CREB3L2: variants seen among roughly 807,000 people sequenced by gnomAD.
The protein encoded by CREB3L2 is cyclic AMP-responsive element-binding protein 3-like protein 2.
Under a neutral mutation model 57.2 loss-of-function variants are expected in CREB3L2, and 23 were observed. The ratio of observed to expected loss-of-function variants is 0.40; its 90% CI spans 0.29 to 0.57. The LOEUF (loss-of-function observed/expected upper bound fraction) is 0.57, where lower values mean the gene tolerates loss of function less well. Among genes scored for constraint, CREB3L2 ranks in the 20% least tolerant of loss-of-function variants. The pLI, the probability that CREB3L2 is intolerant of heterozygous loss-of-function variation, is 0.42. For missense variants in CREB3L2, 628 were observed against 634.7 expected (o/e 0.99, Z 0.11); for synonymous variants, 268 against 265.1 (o/e 1.01, Z -0.11).
intron 1 of CREB3L2, among the ~76,000 whole-genome samples, chr7:137,961,223 C>T (rs972091264): frequency 4.0e-5 from 6 of 151,180 alleles, no homozygotes; most frequent in Admixed American, 3.3e-4. Flanking sequence ...GACATGAGAA[C>T]ATTAAAATTT....
intron 2 of CREB3L2, among the ~76,000 whole-genome samples, chr7:137,925,106 T>C (rs1280866200): frequency 6.6e-6 from 1 of 151,112 alleles, no homozygotes; most frequent in Non-Finnish European, 1.5e-5. Context: ...GGGGTTCAGG[T>C]GGAGGATGGA....
chr7:137,931,925 TTTTC>T (rs1800652564), intron 1 of CREB3L2, among the ~76,000 whole-genome samples: 1 of 152,244 alleles, frequency 6.6e-6, no homozygotes, highest in Middle Eastern at 3.2e-3. Context: ...TTTTGTTGCT[TTTTC>T]TTTCTTTTTC....
intron 2 of CREB3L2, among the ~76,000 whole-genome samples, chr7:137,923,803 A>C (rs775728840): frequency 6.6e-6 from 1 of 151,836 alleles, no homozygotes; most frequent in Non-Finnish European, 1.5e-5. Flanking sequence ...ATACCTTTCC[A>C]CTTCTCCCTG....
chr7:137,955,828 C>T (rs1801199520), intron 1 of CREB3L2, among the ~76,000 whole-genome samples: 1 of 152,096 alleles, frequency 6.6e-6, no homozygotes, highest in Admixed American at 6.5e-5. Context: ...TCAAGGTCAT[C>T]GCCAAGGTCT....
At chr7:137,999,325 C>T (rs2117338771) in intron 1 of CREB3L2, among the ~76,000 whole-genome samples, 1 of 150,962 alleles carries the variant, frequency 6.6e-6, no homozygotes, top group South Asian at 2.1e-4. Flanking sequence ...TTCCATAACA[C>T]TTATTTCATC....
At chr7:137,938,227 T>C (rs1800824716) in intron 1 of CREB3L2, among the ~76,000 whole-genome samples, 2 of 152,146 alleles carry the variant, frequency 1.3e-5, no homozygotes, top group African/African-American at 4.8e-5. Flanking sequence ...AATATGATGG[T>C]AGATGTTGAC....
At chr7:137,932,147 T>A (rs1800659087) in intron 1 of CREB3L2, among the ~76,000 whole-genome samples, 1 of 152,234 alleles carries the variant, frequency 6.6e-6, no homozygotes, top group African/African-American at 2.4e-5. Flanking sequence ...AATTTTCTTT[T>A]ATCAAAAACA....
At position 137,876,605 on chromosome 7, in the gene CREB3L2, T is replaced by C. The variant is rs981686501; in HGVS notation, c.*3871A>G. Reference sequence around the variant, plus strand: ...CACGTCACCACCACCTACTCTCTCCTGTAACTGCCCTCCCAGCGGGGCCTA... The same window carrying C: ...CACGTCACCACCACCTACTCTCTCCCGTAACTGCCCTCCCAGCGGGGCCTA... On this transcript the variant is annotated 3_prime_UTR_variant, in exon 12 of 12. Coordinates refer to ENST00000330387, the MANE Select transcript of CREB3L2 (RefSeq NM_194071.4). 2 of 233,072 alleles carry C rather than the reference T, an allele frequency of 8.6e-6. No individual in the cohort carries two copies. Among genetic ancestry groups the C allele is most frequent in the Non-Finnish European group, 1.7e-5 (2 of 118,006 alleles). 14.4% of individuals were successfully genotyped at this position (233,072 alleles called of 1,614,324 possible). A position where few individuals can be genotyped will look rare whatever the true frequency, so the allele number is the denominator to read the frequency against.
intron 1 of CREB3L2, among the ~76,000 whole-genome samples, chr7:137,941,395 C>T (rs1800877464): frequency 1.3e-5 from 2 of 152,226 alleles, no homozygotes; most frequent in African/African-American, 2.4e-5. Flanking sequence ...TTATCTCCAT[C>T]GTGGCCAGCC....
intron 1 of CREB3L2, chr7:137,933,623 T>C (rs1800710735): frequency 6.6e-6 from 1 of 152,224 alleles, no homozygotes; most frequent in Non-Finnish European, 1.5e-5. Flanking sequence ...TTTATTATCA[T>C]AACCTCCCCT....
intron 2 of CREB3L2, among the ~76,000 whole-genome samples, chr7:137,918,956 T>C (rs962863910): frequency 3.3e-5 from 5 of 152,118 alleles, no homozygotes; most frequent in African/African-American, 4.8e-5. Flanking sequence ...GGGCAAGTGA[T>C]GGTACTTGAA....
chr7:137,954,122 T>C (rs1057443656), intron 1 of CREB3L2, among the ~76,000 whole-genome samples: 6 of 152,224 alleles, frequency 3.9e-5, no homozygotes, highest in African/African-American at 1.4e-4. Context: ...GTCCTGCCCT[T>C]TGACCTTGAG....
intron 4 of CREB3L2, among the ~76,000 whole-genome samples, chr7:137,910,364 T>C (rs1799980683): frequency 6.6e-6 from 1 of 152,124 alleles, no homozygotes; most frequent in Non-Finnish European, 1.5e-5. Flanking sequence ...GTCCCTGGGC[T>C]TTTTAGTCTC....
intron 1 of CREB3L2, among the ~76,000 whole-genome samples, chr7:137,998,561 T>G (rs1022778272): frequency 9.2e-5 from 14 of 152,352 alleles, no homozygotes; most frequent in Non-Finnish European, 1.3e-4. Flanking sequence ...AACATGGGTT[T>G]GAATCCTGGT....
At chr7:137,995,333 C>CTTTTTTTTTTTTTTTTTTT (rs10676214) in intron 1 of CREB3L2, among the ~76,000 whole-genome samples, 4 of 87,428 alleles carry the variant, frequency 4.6e-5, no homozygotes, top group Non-Finnish European at 6.0e-5. Context: ...TCTTTTCTTT[C>CTTTTTTTTTTTTTTTTTTT]TTTTTTTTTT....
At chr7:137,977,017 T>A (rs949880546) in intron 1 of CREB3L2, among the ~76,000 whole-genome samples, 2 of 152,030 alleles carry the variant, frequency 1.3e-5, no homozygotes, top group Admixed American at 6.5e-5. Flanking sequence ...AAAGAGAAAA[T>A]TCCCTTTATT....
chr7:137,981,484 C>A (rs1405340656), intron 1 of CREB3L2, among the ~76,000 whole-genome samples: 1 of 152,046 alleles, frequency 6.6e-6, no homozygotes, highest in Middle Eastern at 3.4e-3. Context: ...GTGGGAGAAC[C>A]AGGAAGTAGA....
At position 137,928,252 on chromosome 7, in the gene CREB3L2, G is replaced by A. The variant is rs1462400279; in HGVS notation, c.217C>T (p.Pro73Ser). ...TGCTCAGCCTGGATGAGAGGCGCCG[G>A]GGACGTCGGGGAAGGTTCCACCTCC... ...SMEVEPSPTS[P>S]APLIQAEHSY... Residue 73 changes from proline to serine, a missense_variant, in exon 2 of 12, where the codon CCG (proline) becomes TCG (serine). Physicochemically the swap from Pro to Ser is moderately conservative, Grantham distance 74. Transcript: ENST00000330387. The A allele has an allele frequency of 6.2e-6, 10 of 1,613,598 alleles. No homozygotes were observed. The highest frequency in any genetic ancestry group is 1.6e-4 in the Middle Eastern group (1 of 6,062).
chr7:137,998,613 A>C (rs955894256), intron 1 of CREB3L2, among the ~76,000 whole-genome samples: 2 of 152,208 alleles, frequency 1.3e-5, no homozygotes. Flanking sequence ...AAGTGGCTTA[A>C]ACTCACGAAG....
Sources: gnomAD v4.1 joint callset for allele counts (sites outside exome capture counted in the v4.1 genomes callset) on GRCh38, gnomAD v4.1.1 for gene constraint, MANE v1.5 for transcripts, NCBI Gene and HGNC (gene_info 2026-07-23, HGNC 2026-07-21) for gene names.